Variants in LHFPL3 observed in about 807,000 individuals in gnomAD.
The protein encoded by LHFPL3 is LHFPL tetraspan subfamily member 3, also known as LHFPL tetraspan subfamily member 3 protein.
Under a neutral mutation model 19.3 loss-of-function variants are expected in LHFPL3, and 5 were observed. The observed-to-expected ratio is 0.26, with a 90% CI of 0.14 to 0.54. The LOEUF (loss-of-function observed/expected upper bound fraction) is 0.54, where lower values mean the gene tolerates loss of function less well. LHFPL3 is among the 20% of genes least tolerant of loss of function. The pLI is 0.94. For missense variants in LHFPL3, 249 were observed against 307.4 expected (o/e 0.81, Z 1.42); for synonymous variants, 133 against 126.2 (o/e 1.05, Z -0.36).
At chr7:104,794,858 A>C (rs919356248) in intron 2 of LHFPL3, among the ~76,000 whole-genome samples, 1 of 152,224 alleles carries the variant, frequency 6.6e-6, no homozygotes, top group Non-Finnish European at 1.5e-5. Context: ...AGGAGAAATT[A>C]CTGCAACCTC....
At chr7:104,329,757 A>G (rs1801535502) in intron 1 of LHFPL3, among the ~76,000 whole-genome samples, 1 of 152,228 alleles carries the variant, frequency 6.6e-6, no homozygotes, top group South Asian at 2.1e-4. Flanking sequence ...CGGGCAGTTA[A>G]ATATGTTTAC....
rs565954417 is a variant in LHFPL3, at chr7:104,521,787, T to C, written c.445+192563T>C. 2.6e-5 allele frequency among the ~76,000 whole-genome samples: 4 copies of C among 152,070 alleles called. No individual in the cohort carries two copies. The South Asian group carries it at 8.3e-4, about 32-fold the overall frequency. On this transcript the variant is annotated intron_variant, in intron 1 of 2. Transcript: ENST00000424859. ...TGTAGCCAAAAAACACATGAAAAAA[T>C]GCTCACCATCACTGGCCATCAGAGA...
chr7:104,503,296 G>A (rs542705022), intron 1 of LHFPL3, among the ~76,000 whole-genome samples: 7 of 152,044 alleles, frequency 4.6e-5, no homozygotes, highest in South Asian at 4.2e-4. Flanking sequence ...GCAAACACAC[G>A]CACACATATA....
intron 1 of LHFPL3, among the ~76,000 whole-genome samples, chr7:104,347,561 A>T (rs1790094817): frequency 6.6e-6 from 1 of 152,064 alleles, no homozygotes; most frequent in Non-Finnish European, 1.5e-5. Context: ...TGTTTTACTC[A>T]CTATTGTAGT....
chr7:104,453,180 GA>G (rs1242267228), intron 1 of LHFPL3, among the ~76,000 whole-genome samples: 1 of 151,994 alleles, frequency 6.6e-6, no homozygotes, highest in Non-Finnish European at 1.5e-5. Flanking sequence ...AAACAGGCAA[GA>G]CTGCTTCAAC....
At chr7:104,818,257 G>C (rs1231459904) in intron 2 of LHFPL3, among the ~76,000 whole-genome samples, 4 of 151,994 alleles carry the variant, frequency 2.6e-5, no homozygotes, top group East Asian at 3.8e-4. Context: ...CCACCCTCTA[G>C]GTAACCTATT....
intron 1 of LHFPL3, among the ~76,000 whole-genome samples, chr7:104,512,102 G>C (rs552762395): frequency 9.9e-5 from 15 of 151,408 alleles, no homozygotes; most frequent in Non-Finnish European, 1.6e-4. Flanking sequence ...TTACAGGCAC[G>C]CTCCACCACA....
intron 1 of LHFPL3, among the ~76,000 whole-genome samples, chr7:104,411,489 T>C (rs1791534053): frequency 6.6e-6 from 1 of 151,916 alleles, no homozygotes; most frequent in Non-Finnish European, 1.5e-5. Flanking sequence ...TATTAAGTCT[T>C]TGAAACATAC....
intron 1 of LHFPL3, among the ~76,000 whole-genome samples, chr7:104,518,480 G>T (rs7796545): frequency 0.22 from 32,011 of 148,574 alleles, 4,129 homozygotes; most frequent in Admixed American, 0.32. Flanking sequence ...GATAATGGAT[G>T]TCCAATCTCT....
intron 2 of LHFPL3, among the ~76,000 whole-genome samples, chr7:104,830,285 T>C (rs1455122468): frequency 1.3e-5 from 2 of 152,050 alleles, no homozygotes; most frequent in East Asian, 3.9e-4. Flanking sequence ...GTAGGTTGCC[T>C]ATTCACTCTG....
chr7:104,427,942 A>G (rs1000288362), intron 1 of LHFPL3, among the ~76,000 whole-genome samples: 7 of 152,230 alleles, frequency 4.6e-5, no homozygotes, highest in African/African-American at 1.7e-4. Flanking sequence ...CTTCTTCAAA[A>G]TATGAAAGCT....
intron 1 of LHFPL3, among the ~76,000 whole-genome samples, chr7:104,711,738 G>A (rs560938235): frequency 1.3e-5 from 2 of 152,244 alleles, no homozygotes; most frequent in Admixed American, 6.5e-5. Context: ...ATCAAGAAAC[G>A]AGACAGAACC....
At chr7:104,458,070 G>A (rs920406434) in intron 1 of LHFPL3, among the ~76,000 whole-genome samples, 18 of 151,130 alleles carry the variant, frequency 1.2e-4, no homozygotes, top group East Asian at 3.9e-4. Flanking sequence ...TAGGTTGCCT[G>A]TTCACTCTGA....
intron 1 of LHFPL3, among the ~76,000 whole-genome samples, chr7:104,491,164 C>G (rs961070899): frequency 2.0e-5 from 3 of 152,070 alleles, no homozygotes; most frequent in Non-Finnish European, 4.4e-5. Context: ...GGCTGTAACA[C>G]TGTGTTGCAT....
intron 1 of LHFPL3, among the ~76,000 whole-genome samples, chr7:104,381,063 C>T (rs1240529611): frequency 1.3e-5 from 2 of 151,988 alleles, no homozygotes; most frequent in East Asian, 1.9e-4. Flanking sequence ...TAATCTATGT[C>T]GCAAAAGACA....
intron 1 of LHFPL3, among the ~76,000 whole-genome samples, chr7:104,418,826 TACTC>T (rs1791674454): frequency 6.6e-6 from 1 of 152,180 alleles, no homozygotes; most frequent in Non-Finnish European, 1.5e-5. Flanking sequence ...GAATGAGAAA[TACTC>T]ATTATTAGTA....
At chr7:104,448,986 C>T (rs1410799793) in intron 1 of LHFPL3, among the ~76,000 whole-genome samples, 3 of 152,166 alleles carry the variant, frequency 2.0e-5, no homozygotes, top group Non-Finnish European at 2.9e-5. Flanking sequence ...CTTTCACAAA[C>T]GAAGTGCCTT....
chr7:104,520,649 T>G (rs2115806737), intron 1 of LHFPL3, among the ~76,000 whole-genome samples: 1 of 144,370 alleles, frequency 6.9e-6, no homozygotes, highest in East Asian at 2.0e-4. Context: ...TATTCAGAGA[T>G]TCAACTTCTT....
intron 1 of LHFPL3, among the ~76,000 whole-genome samples, chr7:104,394,137 A>G (rs912539914): frequency 6.6e-6 from 1 of 152,336 alleles, no homozygotes; most frequent in Middle Eastern, 3.4e-3. Flanking sequence ...TTAAAACTCT[A>G]CTTCAACATT....
Sources: allele counts gnomAD v4.1 joint callset (sites outside exome capture counted in the v4.1 genomes callset), GRCh38; gene constraint gnomAD v4.1.1; transcripts MANE v1.5; gene names NCBI Gene and HGNC (gene_info 2026-07-23, HGNC 2026-07-21).